The following LARGE2 variants were observed in gnomAD, a reference collection of about 807,000 sequenced individuals.
LARGE2 encodes the protein LARGE xylosyl- and glucuronyltransferase 2, also known as xylosyl- and glucuronyltransferase LARGE2.
A neutral mutation model predicts 75.3 loss-of-function variants in LARGE2; 63 were observed. The observed-to-expected ratio is 0.84, with a 90% confidence interval of 0.68 to 1.03. The LOEUF (loss-of-function observed/expected upper bound fraction) is 1.03. Ranked by LOEUF, LARGE2 falls within the 50% of genes least tolerant of loss-of-function variation. LARGE2 has a pLI of 0.00. For synonymous variants in LARGE2, 428 were observed against 420.1 expected (o/e 1.02, Z -0.23); for missense variants, 925 against 980.6 (o/e 0.94, Z 0.76).
chr11:45,923,102 G>A lies in LARGE2; in HGVS notation c.220G>A (p.Ala74Thr), dbSNP rs904011062. ...RAAALDGDPGAGPGDHNRSDC... is the reference protein window; with the variant it reads ...RAAALDGDPGTGPGDHNRSDC... ...CGCCGCCCTCGACGGAGACCCGGGGGCCGGCCCCGGGGACCACAACCGCTC... is the reference window on the plus strand; with the variant it reads ...CGCCGCCCTCGACGGAGACCCGGGGACCGGCCCCGGGGACCACAACCGCTC... Residue 74 changes from alanine to threonine, a missense_variant, in exon 2 of 14, where the codon GCC becomes ACC. Physicochemically the swap from Ala to Thr is moderately conservative, Grantham distance 58. Transcript: ENST00000401752. 107 of 1,398,798 alleles carry A rather than the reference G, an allele frequency of 7.6e-5. No individual in the cohort carries two copies. Among genetic ancestry groups the A allele is most frequent in the African/African-American group, 4.1e-4 (27 of 66,346 alleles). The allele number at this position is 1,398,798 out of a possible 1,614,324, so 86.6% of individuals were successfully genotyped here. A position where few individuals can be genotyped will look rare whatever the true frequency, so the allele number is the denominator to read the frequency against.
Position 45,922,682 on chromosome 11 carries a change from G to A in LARGE2, c.-109G>A. On this transcript the variant is annotated 5_prime_UTR_variant, in exon 1 of 14. Coordinates refer to ENST00000401752, the MANE Select transcript of LARGE2 (RefSeq NM_001300721.2). ...CCTCTCCCCTGGTTCCCGCACCCTG[G>A]CCGGCGGCTGCGAGCGCAGGGCCCA... 2.7e-6 allele frequency: 1 copy of A among 369,718 alleles called. No homozygotes were observed. Among genetic ancestry groups the A allele is most frequent in the Non-Finnish European group, 4.7e-6 (1 of 212,336 alleles). 22.9% of individuals were successfully genotyped at this position (369,718 alleles called of 1,614,324 possible). A position where few individuals can be genotyped will look rare whatever the true frequency, so the allele number is the denominator to read the frequency against.
At chr11:45,925,972 C>T in intron 6 of LARGE2, 67 bp from the exon 7 acceptor site, 2 of 1,380,380 alleles carry the variant, frequency 1.4e-6, no homozygotes, top group Non-Finnish European at 2.0e-6. Flanking sequence ...AGGACACCTT[C>T]ATGACCCCCA....
Position 45,924,211 on chromosome 11 carries a change from G to T in LARGE2, c.426G>T (p.Glu142Asp). 1 of 1,613,478 alleles carries T rather than the reference G, an allele frequency of 6.2e-7. No individual in the cohort carries two copies. Among genetic ancestry groups the T allele is most frequent in the Non-Finnish European group, 8.5e-7 (1 of 1,180,024 alleles). ...VTDAVARNIL[E>D]TLFHTWMVPA... ...ACGCCGTGGCCAGAAACATCCTGGA[G>T]ACGCTCTTCCACACATGGATGGTGC... Residue 142 changes from glutamate to aspartate, a missense_variant, in exon 4 of 14, where the codon GAG becomes GAT. Physicochemically the swap from Glu to Asp is conservative, Grantham distance 45. Coordinates refer to ENST00000401752, the MANE Select transcript of LARGE2 (RefSeq NM_001300721.2).
chr11:45,925,349 T>G (rs1363733871), intron 6 of LARGE2, among the ~76,000 whole-genome samples: 2 of 152,082 alleles, frequency 1.3e-5, no homozygotes, highest in African/African-American at 4.8e-5. Flanking sequence ...AGTGAGACCC[T>G]TGTCTCTACA....
At chr11:45,923,223 GCCT>G in intron 2 of LARGE2, 56 bp downstream of exon 2, 1 of 1,316,426 alleles carries the variant, frequency 7.6e-7, no homozygotes, top group Non-Finnish European at 9.7e-7. Context: ...CCCGAGCCCG[GCCT>G]CTTGGACATC....
chr11:45,923,658 G>T, intron 3 of LARGE2, 103 bp downstream of exon 3: 1 of 1,044,338 alleles, frequency 9.6e-7, no homozygotes, highest in Non-Finnish European at 1.5e-6. Flanking sequence ...TGTGACGCGG[G>T]GACAGTGTCC....
Position 45,927,475 on chromosome 11 carries a change from G to A in LARGE2, c.1486G>A (p.Gly496Arg). 3 of 1,614,184 alleles carry A rather than the reference G, an allele frequency of 1.9e-6. No individual in the cohort carries two copies. The highest frequency in any genetic ancestry group is 1.1e-5 in the South Asian group (1 of 91,092). ...DVAYHVVYRE[G>R]PLYPVNQLRN... ...GGCCTACCATGTGGTGTACCGTGAG[G>A]GGCCCCTATACCCCGTCAACCAGCT... Residue 496 changes from glycine (G) to arginine (R), a missense_variant, in exon 11 of 14, where the codon GGG becomes AGG. Physicochemically the swap from Gly to Arg is moderately radical, Grantham distance 125. This residue lies in a region of LARGE2 where 469 missense variants were observed against 503.8 expected (regional missense o/e 0.93). Transcript: ENST00000401752.
rs2087384970 is a variant in LARGE2, at chr11:45,928,642, C to T, written c.1963C>T (p.Leu655=). 6.2e-7 allele frequency: 1 copy of T among 1,613,772 alleles called. No individual in the cohort carries two copies. Among genetic ancestry groups the T allele is most frequent in the African/African-American group, 1.3e-5 (1 of 74,922 alleles). Residue 655 remains leucine, a synonymous_variant, in exon 14 of 14, where the codon CTG becomes TTG. Transcript: ENST00000401752. The part of the protein sequence containing the change: ...VELDAQEYEL[L]VLPEAFTIHL... The stretch of plus-strand genomic sequence containing the variant: ...CCCCACCCTGCAGGAATATGAGCTC[C>T]TGGTGCTGCCCGAGGCCTTCACCAT...
At position 45,923,005 on chromosome 11, in the gene LARGE2, A is replaced by G; in HGVS notation, c.123A>G (p.Arg41=). Residue 41 remains arginine, a synonymous_variant, in exon 2 of 14, where the codon CGA becomes CGG. Transcript: ENST00000401752. ...LGCERREPGG[R]AGAPGCFPGP... is the part of the protein sequence containing the mutation. ...GTGAGCGCCGCGAGCCTGGCGGGCGAGCGGGGGCCCCGGGATGCTTCCCCG... is the reference window on the plus strand; with the variant it reads ...GTGAGCGCCGCGAGCCTGGCGGGCGGGCGGGGGCCCCGGGATGCTTCCCCG... 7.4e-7 allele frequency: 1 copy of G among 1,344,364 alleles called. No homozygotes were observed. The highest frequency in any genetic ancestry group is 1.8e-5 in the South Asian group (1 of 54,878). 83.3% of individuals were successfully genotyped at this position (1,344,364 alleles called of 1,614,324 possible).
chr11:45,926,935 A>G, intron 10 of LARGE2, 64 bp downstream of exon 10: 1 of 1,494,046 alleles, frequency 6.7e-7, no homozygotes, highest in Non-Finnish European at 9.0e-7. Flanking sequence ...TTCTGAGAGG[A>G]GGTTCCATCT....
intron 9 of LARGE2, 38 bp from the exon 10 acceptor site, chr11:45,926,673 G>A: frequency 6.2e-7 from 1 of 1,612,004 alleles, no homozygotes; most frequent in Non-Finnish European, 8.5e-7. Flanking sequence ...GTGTTGTTCT[G>A]CCCTATCCCC....
chr11:45,928,316 C>T lies in LARGE2; in HGVS notation c.1894C>T (p.Arg632Cys), dbSNP rs150478912. 40 of 1,614,084 alleles carry T rather than the reference C, an allele frequency of 2.5e-5. No homozygotes were observed. In the African/African-American group the frequency reaches 2.9e-4, roughly 12 times the overall value. The change falls in exon 13 of 14, where the codon CGC (arginine) becomes TGC (cysteine). Residue 632 changes from arginine to cysteine, a missense_variant. Coordinates refer to ENST00000401752, the MANE Select transcript of LARGE2 (RefSeq NM_001300721.2). ...ACGAGACTGTCCCCGCTATGATCCT[C>T]GCTTTGTGGGCTTCGGCTGGAACAA... ...VPRDCPRYDPRFVGFGWNKVA... is the reference protein window; with the variant it reads ...VPRDCPRYDPCFVGFGWNKVA...
At chr11:45,924,718 T>C (rs573113951) in intron 5 of LARGE2, 41 bp downstream of exon 5, 7 of 1,568,944 alleles carry the variant, frequency 4.5e-6, no homozygotes, top group Non-Finnish European at 5.2e-6. Flanking sequence ...CCAGGATCCC[T>C]GCATCCAGCC....
Position 45,926,088 on chromosome 11 carries a change from G to T in LARGE2, c.819G>T (p.Gln273His). 6.4e-7 allele frequency: 1 copy of T among 1,563,604 alleles called. No homozygotes were observed. The highest frequency in any genetic ancestry group is 8.7e-7 in the Non-Finnish European group (1 of 1,154,352). Residue 273 changes from glutamine (Q) to histidine (H), a missense_variant, in exon 7 of 14, where the codon CAG (glutamine) becomes CAT (histidine). Gln to His is a conservative substitution (Grantham distance 24). Transcript: ENST00000401752. ...GGCTCCGGCAGGCTGGCTGGGAGCA[G>T]ATGTGGAGGCTGACAGCCAGGCGGG... ...LDRLRQAGWE[Q>H]MWRLTARREL...
rs772535868 is a variant in LARGE2 at position 45,926,537 on chromosome 11, G to C, written c.1104G>C (p.Gly368=). The C allele has an allele frequency of 2.5e-6, 4 of 1,614,104 alleles. No homozygotes were observed. The highest frequency in any genetic ancestry group is 3.4e-6 in the Non-Finnish European group (4 of 1,180,032). Residue 368 remains glycine, a synonymous_variant, in exon 9 of 14, where the codon GGG becomes GGC. Coordinates refer to ENST00000401752, the MANE Select transcript of LARGE2 (RefSeq NM_001300721.2). ...NFYLTFLEYD[G]NLLRRELFVC... is the part of the protein sequence containing the mutation. ...ACCTGACCTTCCTGGAGTACGATGG[G>C]AACCTGCTGCGGAGAGAGCTCTTTG...
rs771205779 is a variant in LARGE2 at position 45,927,944 on chromosome 11, G to C, written c.1629G>C (p.Leu543=). The C allele has an allele frequency of 2.5e-6, 4 of 1,613,478 alleles. No individual in the cohort carries two copies. The Admixed American group carries it at 6.7e-5, about 27-fold the overall frequency. Residue 543 remains leucine (L), a synonymous_variant, in exon 12 of 14, where the codon CTG becomes CTC. Transcript: ENST00000401752. ...GGGCCTCCATTGAGCAGCTGGGGCT[G>C]GGCAGCCGGCGCAAGGCAGCACTGG... ...YLRASIEQLG[L]GSRRKAALVV... is the part of the protein sequence containing the mutation.
chr11:45,922,969 G>A lies in LARGE2; in HGVS notation c.87G>A (p.Gly29=), dbSNP rs996880632. The stretch of plus-strand genomic sequence containing the variant: ...TGCTCGGATTCCTCCTGTTCGGTGG[G>A]GACCTGGGGTGTGAGCGCCGCGAGC... ...LLLLGFLLFG[G]DLGCERREPG... Residue 29 remains glycine, a synonymous_variant, in exon 2 of 14, where the codon GGG becomes GGA. Transcript: ENST00000401752. The A allele has an allele frequency of 3.0e-6, 4 of 1,318,120 alleles. No individual in the cohort carries two copies. The African/African-American group carries it at 6.2e-5, about 20-fold the overall frequency. The allele number at this position is 1,318,120 out of a possible 1,614,324, so 81.7% of individuals were successfully genotyped here. A position where few individuals can be genotyped will look rare whatever the true frequency, so the allele number is the denominator to read the frequency against.
At chr11:45,925,900 C>CAAA (rs1339542660) in intron 6 of LARGE2, 139 bp from the exon 7 acceptor site, 3 of 747,772 alleles carry the variant, frequency 4.0e-6, no homozygotes, top group Non-Finnish European at 2.1e-6. Context: ...ACAACAACAA[C>CAAA]AAAAAACAAG....
At chr11:45,926,997 A>C in intron 10 of LARGE2, 126 bp downstream of exon 10, 1 of 1,044,066 alleles carries the variant, frequency 9.6e-7, no homozygotes, top group Non-Finnish European at 1.3e-6. Flanking sequence ...GAGTTCCAGA[A>C]GTTGGAGACA....
Sources: allele counts gnomAD v4.1 joint callset (sites outside exome capture counted in the v4.1 genomes callset), GRCh38; gene constraint gnomAD v4.1.1; regional missense constraint gnomAD v4.1.1; transcripts MANE v1.5; gene names NCBI Gene and HGNC (gene_info 2026-07-23, HGNC 2026-07-21).